The following THAP6 variants were observed in gnomAD, a reference collection of about 807,000 sequenced individuals.
THAP6 encodes THAP domain-containing protein 6.
A neutral mutation model predicts 20.0 loss-of-function variants in THAP6; 13 were observed. The ratio of observed to expected loss-of-function variants is 0.65; its 90% CI spans 0.42 to 1.03. THAP6 has a LOEUF of 1.03. Ranked by LOEUF, THAP6 falls within the 50% of genes least tolerant of loss-of-function variation. The pLI is 0.00. For missense variants in THAP6, 262 were observed against 261.6 expected (o/e 1.00, Z -0.01); for synonymous variants, 93 against 92.2 (o/e 1.01, Z -0.05).
At chr4:75,514,283 C>T (rs770347832), upstream of THAP6, 1 of 1,612,330 alleles carries the variant, frequency 6.2e-7, no homozygotes, top group South Asian at 1.1e-5. Flanking sequence ...GCCGTCGCCG[C>T]CATCTCCTCC....
chr4:75,539,983 A>C (rs1726962318), intron 2 of THAP6: 1 of 1,532,540 alleles, frequency 6.5e-7, no homozygotes, highest in Admixed American at 2.0e-5. Flanking sequence ...GCCTTAAATA[A>C]TCTTCCCTCT....
chr4:75,533,915 C>G (rs775993854), downstream of THAP6, among the ~76,000 whole-genome samples: 6 of 152,000 alleles, frequency 3.9e-5, no homozygotes, highest in Admixed American at 6.6e-5. Context: ...TCCCCCTCCC[C>G]CCACCGCACA....
chr4:75,538,290 C>A (rs1478680928), intron 2 of THAP6, among the ~76,000 whole-genome samples: 2 of 151,634 alleles, frequency 1.3e-5, no homozygotes, highest in Non-Finnish European at 2.9e-5. Flanking sequence ...CAGGAAATTA[C>A]GTACATGACC....
chr4:75,516,673 T>G, intron 2 of THAP6, 99 bp from the exon 3 acceptor site: 1 of 940,790 alleles, frequency 1.1e-6, no homozygotes, highest in South Asian at 1.8e-5. Context: ...AATAAACTAG[T>G]TAACGAATCA....
At chr4:75,523,800 CAAAAAA>C (rs74684663) in intron 4 of THAP6, among the ~76,000 whole-genome samples, 1 of 72,746 alleles carries the variant, frequency 1.4e-5, no homozygotes, top group Non-Finnish European at 3.1e-5. Flanking sequence ...GAACCTGTCT[CAAAAAA>C]AAAAAAAAAA....
chr4:75,522,083 T>C (rs570520825), intron 4 of THAP6: 6 of 464,862 alleles, frequency 1.3e-5, no homozygotes, highest in Non-Finnish European at 2.2e-5. Flanking sequence ...AGAAGGCTTT[T>C]GCAAGGATAT....
At chr4:75,543,593 T>C (rs1350251939) in intron 3 of THAP6, among the ~76,000 whole-genome samples, 1 of 152,202 alleles carries the variant, frequency 6.6e-6, no homozygotes, top group Non-Finnish European at 1.5e-5. Flanking sequence ...TAAATATCTG[T>C]GGCCATAGGA....
downstream of THAP6, among the ~76,000 whole-genome samples, chr4:75,530,825 C>T (rs1216987918): frequency 6.6e-6 from 1 of 152,176 alleles, no homozygotes; most frequent in Non-Finnish European, 1.5e-5. Flanking sequence ...ATCAGGGCTA[C>T]TCGTTGGTTG....
chr4:75,527,264 T>G lies in THAP6; in HGVS notation c.*50T>G. Reference sequence around the variant, plus strand: ...TAAAATTGTCATTGGTACAAATTTTTATAAAATCTCATTTACCATCACTAA... The same window carrying G: ...TAAAATTGTCATTGGTACAAATTTTGATAAAATCTCATTTACCATCACTAA... On this transcript the variant is annotated 3_prime_UTR_variant, in exon 5 of 5. Transcript: ENST00000311638. 1 of 1,569,812 alleles carries G rather than the reference T, an allele frequency of 6.4e-7. No individual in the cohort carries two copies. The highest frequency in any genetic ancestry group is 8.6e-7 in the Non-Finnish European group (1 of 1,158,432).
At chr4:75,533,015 A>G (rs2148827188), downstream of THAP6, among the ~76,000 whole-genome samples, 1 of 152,234 alleles carries the variant, frequency 6.6e-6, no homozygotes, top group Middle Eastern at 3.4e-3. Flanking sequence ...TTACTTACGC[A>G]AGTTTCTGCA....
At chr4:75,535,663 A>C (rs1281781133) in intron 2 of THAP6, among the ~76,000 whole-genome samples, 1 of 152,210 alleles carries the variant, frequency 6.6e-6, no homozygotes, top group African/African-American at 2.4e-5. Flanking sequence ...TGTATGTTGG[A>C]GATTTACTAT....
Position 75,529,415 on chromosome 4 carries a change from C to G in THAP6, c.*2201C>G. On this transcript the variant is annotated 3_prime_UTR_variant, in exon 5 of 5. Transcript: ENST00000311638. ...TAGTAGACTCAGCACTTCTTTTTCA[C>G]TGGACCTAGTATAACTGAGAAATAA... 2 of 985,418 alleles carry G rather than the reference C, an allele frequency of 2.0e-6. No individual in the cohort carries two copies. The highest frequency in any genetic ancestry group is 2.4e-6 in the Non-Finnish European group (2 of 829,932). 61.0% of individuals were successfully genotyped at this position (985,418 alleles called of 1,614,324 possible).
chr4:75,515,372 G>C, intron 1 of THAP6, 61 bp from the exon 2 acceptor site: 1 of 1,486,328 alleles, frequency 6.7e-7, no homozygotes, highest in South Asian at 1.1e-5. Context: ...CACCGGGAAA[G>C]GGAAAATATT....
chr4:75,517,594 A>G (rs1225529148), intron 3 of THAP6: 1 of 152,350 alleles, frequency 6.6e-6, no homozygotes, highest in Non-Finnish European at 1.5e-5. Context: ...CTGATGTTCC[A>G]AGTTGGCAGT....
intron 4 of THAP6, among the ~76,000 whole-genome samples, chr4:75,524,636 T>C (rs984268176): frequency 3.9e-4 from 59 of 152,376 alleles, no homozygotes; most frequent in African/African-American, 1.3e-3. Context: ...GTTGCCCTGC[T>C]GTATTCTTAC....
chr4:75,547,144 G>C (rs17214073), intron 3 of THAP6, among the ~76,000 whole-genome samples: 33,799 of 152,062 alleles, frequency 0.22, 3,909 homozygotes, highest in Middle Eastern at 0.35. Flanking sequence ...CAGGTACAGG[G>C]GCAGACCCTT....
chr4:75,524,711 C>G (rs550183442), intron 4 of THAP6, among the ~76,000 whole-genome samples: 44 of 151,878 alleles, frequency 2.9e-4, no homozygotes, highest in South Asian at 1.9e-3. Context: ...GTACCTAATA[C>G]TTCTTTTTTT....
downstream of THAP6, among the ~76,000 whole-genome samples, chr4:75,530,415 T>C (rs1318590372): frequency 6.6e-6 from 1 of 152,214 alleles, no homozygotes; most frequent in Non-Finnish European, 1.5e-5. Context: ...ATGCCGCAGA[T>C]CACTGGATAC....
chr4:75,535,255 A>G (rs1038888278), intron 2 of THAP6, among the ~76,000 whole-genome samples: 9 of 152,336 alleles, frequency 5.9e-5, no homozygotes, highest in African/African-American at 2.2e-4. Flanking sequence ...GATGAAATTT[A>G]GGTGGGGACA....
Sources: allele counts gnomAD v4.1 joint callset (sites outside exome capture counted in the v4.1 genomes callset), GRCh38; gene constraint gnomAD v4.1.1; transcripts MANE v1.5; gene names NCBI Gene and HGNC (gene_info 2026-07-23, HGNC 2026-07-21).